The following KCNIP4 variants were observed in gnomAD, a reference collection of about 807,000 sequenced individuals.
KCNIP4 encodes potassium voltage-gated channel interacting protein 4.
Under a neutral mutation model 34.0 loss-of-function variants are expected in KCNIP4, and 12 were observed. The ratio of observed to expected loss-of-function variants is 0.35; its 90% confidence interval spans 0.23 to 0.57. The LOEUF (loss-of-function observed/expected upper bound fraction) is 0.57, where lower values mean the gene tolerates loss of function less well. Among genes scored for constraint, KCNIP4 ranks in the 20% least tolerant of loss-of-function variants. KCNIP4 has a pLI of 0.83. For missense variants in KCNIP4, 238 were observed against 311.7 expected (o/e 0.76, Z 1.78); for synonymous variants, 124 against 102.2 (o/e 1.21, Z -1.29).
chr4:21,916,834 C>G (rs1277941429), intron 1 of KCNIP4, among the ~76,000 whole-genome samples: 1 of 152,172 alleles, frequency 6.6e-6, no homozygotes, highest in Non-Finnish European at 1.5e-5. Context: ...TCCTTCTTAT[C>G]AGCAATATCA....
In KCNIP4 at chr4:21,659,205, C is replaced by T. The variant is rs978585257; in HGVS notation, c.61+289366G>A. Among the ~76,000 whole-genome samples, 5 of 152,140 alleles carry T rather than the reference C, an allele frequency of 3.3e-5. No homozygotes were observed. In the South Asian group the frequency reaches 1.0e-3, roughly 32 times the overall value. On this transcript the variant is annotated intron_variant, in intron 1 of 8. Transcript: ENST00000382152. The stretch of plus-strand genomic sequence containing the variant: ...CATCTCATTGCCTAAACATATGAGA[C>T]AAAAGATAATATGATTATCTTATAT...
At chr4:21,350,194 T>C (rs1261403811) in intron 1 of KCNIP4, among the ~76,000 whole-genome samples, 1 of 152,200 alleles carries the variant, frequency 6.6e-6, no homozygotes, top group East Asian at 1.9e-4. Context: ...AGGTTATCAC[T>C]GACATTTTAA....
rs375355893 is a variant in KCNIP4, at chr4:20,903,962, G to A, written c.62-21253C>T. ...TATCAATTTTAGATCAACTGCTGCA[G>A]GTGGTGCCTGGCTCTACTTGATGGG... is the stretch of plus-strand genomic sequence containing the variant. On this transcript the variant is annotated intron_variant, in intron 1 of 8. Coordinates refer to ENST00000382152, the MANE Select transcript of KCNIP4 (RefSeq NM_025221.6). 2.0e-4 allele frequency among the ~76,000 whole-genome samples: 30 copies of A among 152,252 alleles called. No individual in the cohort carries two copies. The South Asian group carries it at 4.4e-3, about 22-fold the overall frequency.
chr4:21,305,392 C>T (rs560487350), intron 1 of KCNIP4, among the ~76,000 whole-genome samples: 102 of 152,316 alleles, frequency 6.7e-4, no homozygotes, highest in South Asian at 1.2e-3. Flanking sequence ...TAGCACCTAG[C>T]TCATCACTCT....
At chr4:21,380,721 T>G in intron 1 of KCNIP4, among the ~76,000 whole-genome samples, 1 of 152,186 alleles carries the variant, frequency 6.6e-6, no homozygotes, top group African/African-American at 2.4e-5. Context: ...GATTAACTAC[T>G]TACTACTCAC....
chr4:21,372,802 A>G (rs188745466), intron 1 of KCNIP4, among the ~76,000 whole-genome samples: 3 of 146,514 alleles, frequency 2.0e-5, no homozygotes, highest in Non-Finnish European at 4.4e-5. Flanking sequence ...ATACTAGATC[A>G]GGCAGTTTTT....
rs528333964 is a variant in KCNIP4, at chr4:21,772,422, G to A, written c.61+176149C>T. Among the ~76,000 whole-genome samples, 51 of 152,204 alleles carry A rather than the reference G, an allele frequency of 3.4e-4. 1 individual carries two copies. Among genetic ancestry groups the A allele is most frequent in the African/African-American group, 1.1e-3 (44 of 41,532 alleles). On this transcript the variant is annotated intron_variant, in intron 1 of 8. Coordinates refer to ENST00000382152, the MANE Select transcript of KCNIP4 (RefSeq NM_025221.6). ...TGTCTCTTCCCAGTTTTGGTATCAG[G>A]ATGATGCTGGCTTCATATAATGAGT...
In KCNIP4 at chr4:21,841,806, T is replaced by C. The variant is rs188122469; in HGVS notation, c.61+106765A>G. On this transcript the variant is annotated intron_variant, in intron 1 of 8. Coordinates refer to ENST00000382152, the MANE Select transcript of KCNIP4 (RefSeq NM_025221.6). Reference sequence around the variant, plus strand: ...AAAACAAGTAAGGATTAGTTGTTTATAAAATGTTATGGTGGTTCCTTTAAA... The same window carrying C: ...AAAACAAGTAAGGATTAGTTGTTTACAAAATGTTATGGTGGTTCCTTTAAA... Among the ~76,000 whole-genome samples the C allele has an allele frequency of 7.9e-5, 12 of 152,314 alleles. No homozygotes were observed. The East Asian group carries it at 2.1e-3, about 27-fold the overall frequency.
chr4:21,576,404 T>C (rs1042485915), intron 1 of KCNIP4, among the ~76,000 whole-genome samples: 4 of 152,180 alleles, frequency 2.6e-5, no homozygotes, highest in Admixed American at 2.0e-4. Context: ...ATTTTGCATT[T>C]TCTGCTAATG....
chr4:21,150,790 C>A (rs1163957714), intron 1 of KCNIP4, among the ~76,000 whole-genome samples: 7 of 152,164 alleles, frequency 4.6e-5, no homozygotes, highest in African/African-American at 1.7e-4. Context: ...GACTATCGGT[C>A]TTAATATGCA....
At chr4:20,906,737 T>A (rs1257420139) in intron 1 of KCNIP4, among the ~76,000 whole-genome samples, 1 of 152,188 alleles carries the variant, frequency 6.6e-6, no homozygotes, top group Non-Finnish European at 1.5e-5. Context: ...CTGTTCCCCT[T>A]CCTATAGAAA....
chr4:20,941,476 G>A (rs1731633658), intron 1 of KCNIP4, among the ~76,000 whole-genome samples: 1 of 152,178 alleles, frequency 6.6e-6, no homozygotes, highest in Admixed American at 6.5e-5. Context: ...GAACATTCTG[G>A]TGGTGCCAAA....
chr4:21,901,338 T>C (rs1049688935), intron 1 of KCNIP4, among the ~76,000 whole-genome samples: 17 of 152,242 alleles, frequency 1.1e-4, no homozygotes, highest in African/African-American at 4.1e-4. Flanking sequence ...TAAATTCCCT[T>C]CAAACAGCGC....
At chr4:20,933,612 G>T (rs115973572) in intron 1 of KCNIP4, among the ~76,000 whole-genome samples, 4,633 of 152,018 alleles carry the variant, frequency 0.03, 78 homozygotes, top group Non-Finnish European at 0.039. Context: ...GTAAAATCTG[G>T]CATACTCAGC....
intron 1 of KCNIP4, among the ~76,000 whole-genome samples, chr4:21,748,740 T>C (rs1158680600): frequency 6.6e-6 from 1 of 152,146 alleles, no homozygotes; most frequent in Non-Finnish European, 1.5e-5. Flanking sequence ...TGTAGTCATC[T>C]GAACTGGCAA....
intron 1 of KCNIP4, among the ~76,000 whole-genome samples, chr4:21,621,517 A>G (rs1032892007): frequency 3.3e-5 from 5 of 152,026 alleles, no homozygotes; most frequent in African/African-American, 4.8e-5. Flanking sequence ...AGGTATGCAT[A>G]ACCACATCTG....
intron 1 of KCNIP4, among the ~76,000 whole-genome samples, chr4:21,223,705 T>G (rs1758147230): frequency 6.6e-6 from 1 of 152,238 alleles, no homozygotes; most frequent in African/African-American, 2.4e-5. Flanking sequence ...GTTACTCCTT[T>G]CTAATTCTTT....
intron 2 of KCNIP4, among the ~76,000 whole-genome samples, chr4:20,863,962 A>G (rs2149498340): frequency 6.6e-6 from 1 of 150,558 alleles, no homozygotes; most frequent in East Asian, 1.9e-4. Context: ...ACACACACAC[A>G]TACATATACA....
chr4:20,847,816 C>T (rs915525221), intron 3 of KCNIP4, among the ~76,000 whole-genome samples: 15 of 152,162 alleles, frequency 9.9e-5, no homozygotes, highest in South Asian at 6.2e-4. Flanking sequence ...AATATGTTGA[C>T]GAATGGTTTA....
Sources: gnomAD v4.1 joint callset for allele counts (sites outside exome capture counted in the v4.1 genomes callset) on GRCh38, gnomAD v4.1.1 for gene constraint, MANE v1.5 for transcripts, NCBI Gene and HGNC (gene_info 2026-07-23, HGNC 2026-07-21) for gene names.